CA5A: variants seen among roughly 807,000 people sequenced by gnomAD.
CA5A encodes carbonic anhydrase 5A, mitochondrial.
In CA5A, 28 loss-of-function variants were observed where a neutral mutation model predicts 37.1. That is an observed-to-expected ratio of 0.75 (90% confidence interval 0.56 to 1.03). The LOEUF (loss-of-function observed/expected upper bound fraction) is 1.03, where lower values mean the gene tolerates loss of function less well. Ranked by LOEUF, CA5A falls within the 50% of genes least tolerant of loss-of-function variation. The pLI, the probability that CA5A is intolerant of heterozygous loss-of-function variation, is 0.00. For synonymous variants in CA5A, 171 were observed against 158.4 expected (o/e 1.08, Z -0.60); for missense variants, 444 against 399.9 (o/e 1.11, Z -0.94).
rs973985283 is a variant in CA5A at position 87,926,418 on chromosome 16, G to C, written c.340+330C>G. Among the ~76,000 whole-genome samples, 17 of 152,164 alleles carry C rather than the reference G, an allele frequency of 1.1e-4. 1 individual carries two copies. Among genetic ancestry groups the C allele is most frequent in the Admixed American group, 3.3e-4 (5 of 15,280 alleles). ...CTGAGTTCCTCTTCCGACGCGCAAA[G>C]TGTTCGCATTTCAATGAGCTTGTCT... On this transcript the variant is annotated intron_variant, in intron 2 of 6. Coordinates refer to ENST00000649794, the MANE Select transcript of CA5A (RefSeq NM_001739.2).
In CA5A at chr16:87,899,295, C is replaced by CTTT. The variant is rs774174056; in HGVS notation, c.618+2614_618+2616dup. On this transcript the variant is annotated intron_variant, in intron 5 of 6. Coordinates refer to ENST00000649794, the MANE Select transcript of CA5A (RefSeq NM_001739.2). ...GGCTGGGCCTTTTACCTCCTAAGGT[C>CTTT]TTTTTTTTTTTTTTTTTTTTTTTTT... 1.2e-3 allele frequency among the ~76,000 whole-genome samples: 105 copies of CTTT among 85,852 alleles called. 3 individuals carry two copies. Among genetic ancestry groups the CTTT allele is most frequent in the African/African-American group, 4.1e-3 (87 of 21,262 alleles). 56.3% of individuals were successfully genotyped at this position (85,852 alleles called of 152,430 possible). A position where few individuals can be genotyped will look rare whatever the true frequency, so the allele number is the denominator to read the frequency against.
intron 1 of CA5A, among the ~76,000 whole-genome samples, chr16:87,932,480 A>C (rs2056421080): frequency 6.6e-6 from 1 of 152,182 alleles, no homozygotes; most frequent in Non-Finnish European, 1.5e-5. Flanking sequence ...TGCCACCTGC[A>C]CGGAGGCGAC....
chr16:87,918,236 T>G (rs1330221252), intron 2 of CA5A, among the ~76,000 whole-genome samples: 1 of 152,244 alleles, frequency 6.6e-6, no homozygotes, highest in Non-Finnish European at 1.5e-5. Flanking sequence ...CACACAGCCC[T>G]GCCCAATGAG....
intron 2 of CA5A, among the ~76,000 whole-genome samples, chr16:87,912,829 A>C (rs2056071929): frequency 6.6e-6 from 1 of 152,208 alleles, no homozygotes; most frequent in Non-Finnish European, 1.5e-5. Context: ...CGACCAGCGG[A>C]AAGGACCCTG....
intron 2 of CA5A, among the ~76,000 whole-genome samples, chr16:87,920,068 C>T (rs1488715220): frequency 2.0e-5 from 3 of 152,134 alleles, no homozygotes; most frequent in Non-Finnish European, 2.9e-5. Flanking sequence ...AAAGGTGCAC[C>T]AGCCCCAGCT....
At chr16:87,903,599 C>T (rs2143956296) in intron 3 of CA5A, among the ~76,000 whole-genome samples, 1 of 152,318 alleles carries the variant, frequency 6.6e-6, no homozygotes. Flanking sequence ...ATGATGATGA[C>T]AATAGATATC....
At chr16:87,902,808 A>G (rs571439493) in intron 3 of CA5A, among the ~76,000 whole-genome samples, 32 of 151,590 alleles carry the variant, frequency 2.1e-4, no homozygotes, top group Middle Eastern at 3.4e-3. Context: ...GGTACTCAGG[A>G]GGCTGAGGCA....
intron 1 of CA5A, among the ~76,000 whole-genome samples, chr16:87,928,193 C>T (rs1320404720): frequency 2.0e-5 from 3 of 152,102 alleles, no homozygotes; most frequent in Admixed American, 1.3e-4. Flanking sequence ...TTTTTGAGAT[C>T]AGGTCTCACT....
In CA5A at chr16:87,902,083, G is replaced by A. The variant is rs1597554349; in HGVS notation, c.556-109C>T. 4.0e-6 allele frequency: 4 copies of A among 989,812 alleles called. No individual in the cohort carries two copies. In the East Asian group the frequency reaches 7.3e-5, roughly 18 times the overall value. 61.3% of individuals were successfully genotyped at this position (989,812 alleles called of 1,614,324 possible). ...TAAAAGCAATCCTAGGCCAGGTGCG[G>A]TGGCTCATGCCTGTGATCCTAGCAC... On this transcript the variant is annotated intron_variant, in intron 4 of 6. Coordinates refer to ENST00000649794, the MANE Select transcript of CA5A (RefSeq NM_001739.2).
intron 3 of CA5A, among the ~76,000 whole-genome samples, chr16:87,904,329 G>A (rs1306552368): frequency 2.0e-5 from 3 of 147,074 alleles, no homozygotes; most frequent in Non-Finnish European, 3.0e-5. Context: ...GTGACAGAGT[G>A]AACCCTGTTT....
chr16:87,882,922 G>A (rs112947748), intron 4 of CA5A: 1 of 152,446 alleles, frequency 6.6e-6, no homozygotes, highest in African/African-American at 2.4e-5. Context: ...GGCGTGGAGG[G>A]GTGGAGTCTC....
At chr16:87,905,506 G>A (rs1403696101) in intron 2 of CA5A, among the ~76,000 whole-genome samples, 1 of 152,096 alleles carries the variant, frequency 6.6e-6, no homozygotes, top group Non-Finnish European at 1.5e-5. Context: ...TTACAGGCAT[G>A]TGCCACCAGG....
intron 2 of CA5A, among the ~76,000 whole-genome samples, chr16:87,906,686 A>T (rs1285204027): frequency 6.6e-6 from 1 of 152,068 alleles, no homozygotes; most frequent in African/African-American, 2.4e-5. Context: ...TGGAAAATGG[A>T]TTTGGCTTTA....
At chr16:87,890,844 G>C (rs1419398174) in intron 6 of CA5A, among the ~76,000 whole-genome samples, 1 of 151,962 alleles carries the variant, frequency 6.6e-6, no homozygotes, top group East Asian at 1.9e-4. Context: ...GTCCAGGCTG[G>C]AGTGCAGTGG....
At chr16:87,901,743 G>A (rs764174227) in intron 5 of CA5A, among the ~76,000 whole-genome samples, 169 bp downstream of exon 5, 5 of 151,828 alleles carry the variant, frequency 3.3e-5, no homozygotes, top group Admixed American at 6.6e-5. Context: ...ATGTGCCACC[G>A]CACCCAGCTA....
intron 2 of CA5A, among the ~76,000 whole-genome samples, chr16:87,915,365 C>G (rs545882334): frequency 1.3e-5 from 2 of 151,900 alleles, no homozygotes; most frequent in African/African-American, 4.8e-5. Flanking sequence ...CATTGTAGAA[C>G]GATGTTTACA....
chr16:87,888,332 G>C, intron 6 of CA5A, 60 bp from the exon 7 acceptor site: 1 of 1,487,184 alleles, frequency 6.7e-7, no homozygotes, highest in Non-Finnish European at 9.2e-7. Flanking sequence ...CAGCCTCTGG[G>C]TGTCCCTCAG....
intron 2 of CA5A, among the ~76,000 whole-genome samples, chr16:87,925,036 A>C (rs373395041): frequency 1.3e-5 from 2 of 150,890 alleles, no homozygotes; most frequent in East Asian, 3.8e-4. Flanking sequence ...CCTGGCGCAT[A>C]AAATATCAAA....
At chr16:87,917,420 G>C (rs575185262) in intron 2 of CA5A, among the ~76,000 whole-genome samples, 13 of 152,322 alleles carry the variant, frequency 8.5e-5, no homozygotes, top group Non-Finnish European at 1.5e-4. Context: ...AACTTTGGAA[G>C]CTGTTTGGTA....
Sources: gnomAD v4.1 joint callset for allele counts (sites outside exome capture counted in the v4.1 genomes callset) on GRCh38, gnomAD v4.1.1 for gene constraint, MANE v1.5 for transcripts, NCBI Gene and HGNC (gene_info 2026-07-23, HGNC 2026-07-21) for gene names.